BCAS3: variants seen among roughly 807,000 people sequenced by gnomAD.
BCAS3 encodes BCAS4/BCAS3 fusion.
Under a neutral mutation model 116.1 loss-of-function variants are expected in BCAS3, and 53 were observed. The observed-to-expected ratio is 0.46, with a 90% CI of 0.37 to 0.57. The LOEUF (loss-of-function observed/expected upper bound fraction) is 0.57, where lower values mean the gene tolerates loss of function less well. BCAS3 is among the 20% of genes least tolerant of loss of function. The pLI, the probability that BCAS3 is intolerant of heterozygous loss-of-function variation, is 0.00. For synonymous variants in BCAS3, 391 were observed against 408.2 expected, an observed-to-expected ratio of 0.96 and a Z score of 0.51; for missense variants, 917 against 1,165.4, an observed-to-expected ratio of 0.79 and a Z score of 3.10.
At chr17:61,152,973 C>G (rs551411832) in intron 22 of BCAS3, among the ~76,000 whole-genome samples, 20 of 152,298 alleles carry the variant, frequency 1.3e-4, no homozygotes, top group Non-Finnish European at 1.2e-4. Flanking sequence ...AAGAAATTTT[C>G]TATCATCCTA....
At chr17:61,175,278 A>G (rs2079071767) in intron 22 of BCAS3, among the ~76,000 whole-genome samples, 1 of 151,978 alleles carries the variant, frequency 6.6e-6, no homozygotes, top group Admixed American at 6.6e-5. Context: ...GTGGTGGTGC[A>G]TGGCCATAGT....
rs181844224 is a variant in BCAS3, at chr17:61,186,459, A to G, written c.2425+101895A>G. ...TGTTTTCAGTGGTATACACATGTCA[A>G]TTTATGCTGCGTAACTCAGAGCCTG... On this transcript the variant is annotated intron_variant, in intron 22 of 23. Transcript: ENST00000407086. This position sits in a 1 kb window ranked among gnomAD's most constrained non-coding sequence, Gnocchi z 4.9. Among the ~76,000 whole-genome samples, 4 of 152,274 alleles carry G rather than the reference A, an allele frequency of 2.6e-5. No individual in the cohort carries two copies. The highest frequency in any genetic ancestry group is 7.2e-5 in the African/African-American group (3 of 41,552).
At chr17:60,833,271 AC>A (rs1168626898) in intron 7 of BCAS3, among the ~76,000 whole-genome samples, 1 of 152,204 alleles carries the variant, frequency 6.6e-6, no homozygotes, top group African/African-American at 2.4e-5. Context: ...TTCTTGAAAT[AC>A]CTTTTAGATA....
intron 8 of BCAS3, among the ~76,000 whole-genome samples, chr17:60,869,967 CTTTAA>C (rs1222234970): frequency 2.0e-5 from 3 of 152,318 alleles, no homozygotes; most frequent in South Asian, 2.1e-4. Context: ...TTACTTTCCT[CTTTAA>C]TTTAAAATGT....
chr17:60,733,107 A>G (rs1448296052), intron 5 of BCAS3, among the ~76,000 whole-genome samples: 1 of 152,222 alleles, frequency 6.6e-6, no homozygotes, highest in Admixed American at 6.5e-5. Context: ...ATACTATCAA[A>G]TATACAATTA....
In BCAS3 at chr17:61,392,111, A is replaced by T; in HGVS notation, c.2728A>T (p.Thr910Ser). The change falls in exon 24 of 24, where the codon ACT becomes TCT. Residue 910 changes from threonine (T) to serine (S), a missense_variant. Physicochemically the swap from Thr to Ser is moderately conservative, Grantham distance 58. Around this residue, in one of 3 missense-constraint regions of BCAS3, gnomAD observed 109 missense variants for 122.8 expected, o/e 0.89. Transcript: ENST00000407086. The surrounding 1 kb of genome is among the most constrained non-coding windows in gnomAD (Gnocchi z 6.4). ...NESQPLSLFPTGFP is the reference protein window; with the variant it reads ...NESQPLSLFPSGFP ...GAGCCAGCCCCTCAGCCTCTTCCCG[A>T]CTGGCTTCCCGTAGGTACCAGCAAC... 6.2e-7 allele frequency: 1 copy of T among 1,613,238 alleles called. No homozygotes were observed. Among genetic ancestry groups the T allele is most frequent in the Non-Finnish European group, 8.5e-7 (1 of 1,179,840 alleles).
intron 22 of BCAS3, among the ~76,000 whole-genome samples, chr17:61,221,143 C>T (rs2082088137): frequency 6.6e-6 from 1 of 152,324 alleles, no homozygotes; most frequent in African/African-American, 2.4e-5. Flanking sequence ...CCCAGTGTTA[C>T]AAAGTGTCGG....
intron 19 of BCAS3, among the ~76,000 whole-genome samples, chr17:61,048,245 A>G (rs552334767): frequency 1.8e-4 from 28 of 152,048 alleles, no homozygotes; most frequent in Non-Finnish European, 3.5e-4. Flanking sequence ...AAGATGGACT[A>G]ACAGGGGTCA....
chr17:60,854,427 C>G (rs2053473464), intron 7 of BCAS3, among the ~76,000 whole-genome samples: 1 of 152,116 alleles, frequency 6.6e-6, no homozygotes, highest in East Asian at 1.9e-4. Context: ...AATGGGATGG[C>G]TGGGTCAAAT....
At chr17:60,942,190 C>T (rs1454967139) in intron 13 of BCAS3, among the ~76,000 whole-genome samples, 2 of 152,182 alleles carry the variant, frequency 1.3e-5, no homozygotes, top group Admixed American at 6.5e-5. Context: ...CTTTGGGAGG[C>T]TGAGGTGGGC....
At chr17:61,015,563 G>C (rs1229943546) in intron 15 of BCAS3, among the ~76,000 whole-genome samples, 188 bp from the exon 16 acceptor site, 4 of 152,164 alleles carry the variant, frequency 2.6e-5, no homozygotes, top group African/African-American at 9.7e-5. Flanking sequence ...ACAGTCATGA[G>C]CTATCCAGCT....
chr17:61,219,256 A>T lies in BCAS3; in HGVS notation c.2425+134692A>T, dbSNP rs561303983. Among the ~76,000 whole-genome samples the T allele has an allele frequency of 6.6e-6, 1 of 152,292 alleles. No individual in the cohort carries two copies. Among genetic ancestry groups the T allele is most frequent in the African/African-American group, 2.4e-5 (1 of 41,566 alleles). On this transcript the variant is annotated intron_variant, in intron 22 of 23. Coordinates refer to ENST00000407086, the MANE Select transcript of BCAS3 (RefSeq NM_017679.5). This position sits in a 1 kb window ranked among gnomAD's most constrained non-coding sequence, Gnocchi z 5.2. ...CAATCTCTGAGAAAGATCCTTGTCCAGAAATCCTGTGTCTCAGTGGTACCC... is the reference window on the plus strand; with the variant it reads ...CAATCTCTGAGAAAGATCCTTGTCCTGAAATCCTGTGTCTCAGTGGTACCC...
At chr17:60,978,640 A>AAC in intron 14 of BCAS3, among the ~76,000 whole-genome samples, 3 of 152,250 alleles carry the variant, frequency 2.0e-5, no homozygotes, top group Non-Finnish European at 2.9e-5. Flanking sequence ...TTTTAGGTCT[A>AAC]ATGTTTAAGT....
rs76160520 is a variant in BCAS3, at chr17:61,049,155, G to A, written c.2029+8263G>A. Among the ~76,000 whole-genome samples, 79 of 151,954 alleles carry A rather than the reference G, an allele frequency of 5.2e-4. No individual in the cohort carries two copies. The East Asian group carries it at 0.011, about 21-fold the overall frequency. ...TCTAAAGAAAACATTTGAAAAATTA[G>A]CCAGGTATGGTGGTGCATACCCTTA... is the stretch of plus-strand genomic sequence containing the variant. On this transcript the variant is annotated intron_variant, in intron 19 of 23. Coordinates refer to ENST00000407086, the MANE Select transcript of BCAS3 (RefSeq NM_017679.5).
rs2057567500 is a variant in BCAS3, at chr17:61,347,394, C to G, written c.2426-20933C>G. 6.6e-6 allele frequency among the ~76,000 whole-genome samples: 1 copy of G among 152,188 alleles called. No homozygotes were observed. Among genetic ancestry groups the G allele is most frequent in the South Asian group, 2.1e-4 (1 of 4,832 alleles). On this transcript the variant is annotated intron_variant, in intron 22 of 23. Transcript: ENST00000407086. This position sits in a 1 kb window ranked among gnomAD's most constrained non-coding sequence, Gnocchi z 4.3. ...ACCGCACCCGGCCAGAATCACTCTT[C>G]AGATATTTGAATAGTGAAATTGTAG...
Position 60,891,685 on chromosome 17 carries a change from C to T in BCAS3, c.738+1914C>T, listed in dbSNP as rs750229102. ...TTAGTTTTGAGATTCACAGGGTACA[C>T]GTGCATGTTTGTTACACAGGTATAT... is the stretch of plus-strand genomic sequence containing the variant. On this transcript the variant is annotated intron_variant, in intron 10 of 23. Coordinates refer to ENST00000407086, the MANE Select transcript of BCAS3 (RefSeq NM_017679.5). 50 of 455,764 alleles carry T rather than the reference C, an allele frequency of 1.1e-4. 1 individual carries two copies. The highest frequency in any genetic ancestry group is 6.8e-4 in the South Asian group (44 of 64,540). The allele number at this position is 455,764 out of a possible 1,614,324, so 28.2% of individuals were successfully genotyped here.
chr17:61,030,381 C>CT (rs906687413), intron 16 of BCAS3, among the ~76,000 whole-genome samples: 10 of 151,882 alleles, frequency 6.6e-5, no homozygotes, highest in Admixed American at 4.6e-4. Flanking sequence ...ATTTTGTACT[C>CT]TTTTTTTTCT....
chr17:61,277,073 G>A (rs529389739), intron 22 of BCAS3, among the ~76,000 whole-genome samples: 8 of 151,860 alleles, frequency 5.3e-5, no homozygotes, highest in East Asian at 1.9e-4. Context: ...GACCAGCCTG[G>A]GAAACATAAT....
chr17:61,086,751 A>G (rs1047875632), intron 22 of BCAS3: 1 of 985,446 alleles, frequency 1.0e-6, no homozygotes, highest in East Asian at 1.1e-4. Context: ...CAACCAAAAC[A>G]GTGAAACATG....
Sources: allele counts gnomAD v4.1 joint callset (sites outside exome capture counted in the v4.1 genomes callset), GRCh38; gene constraint gnomAD v4.1.1; regional missense constraint gnomAD v4.1.1; non-coding constraint Gnocchi (gnomAD v3.1); transcripts MANE v1.5; gene names NCBI Gene and HGNC (gene_info 2026-07-23, HGNC 2026-07-21).